The following POLR3B variants were observed in gnomAD, a reference collection of about 807,000 sequenced individuals.
POLR3B encodes RNA polymerase III subunit B.
Under a neutral mutation model 147.4 loss-of-function variants are expected in POLR3B, and 96 were observed. That is an observed-to-expected ratio of 0.65 (90% CI 0.55 to 0.77). The LOEUF is 0.77. Ranked by LOEUF, POLR3B falls within the 30% of genes least tolerant of loss-of-function variation. POLR3B has a pLI of 0.00. For synonymous variants in POLR3B, 461 were observed against 485.9 expected (o/e 0.95, Z 0.67); for missense variants, 1,036 against 1,413.5 (o/e 0.73, Z 4.28).
intron 12 of POLR3B, among the ~76,000 whole-genome samples, chr12:106,424,190 C>T (rs891643452): frequency 1.3e-5 from 2 of 152,012 alleles, no homozygotes; most frequent in African/African-American, 4.8e-5. Context: ...ATATTCCTCT[C>T]CCTCCTAAAT....
chr12:106,479,681 C>T (rs1182141999), intron 23 of POLR3B, among the ~76,000 whole-genome samples: 2 of 152,024 alleles, frequency 1.3e-5, no homozygotes, highest in Admixed American at 1.3e-4. Context: ...GCGCACCCAG[C>T]CTATTCTTTC....
chr12:106,373,327 T>C (rs1302479912), intron 6 of POLR3B, among the ~76,000 whole-genome samples: 1 of 152,254 alleles, frequency 6.6e-6, no homozygotes, highest in African/African-American at 2.4e-5. Flanking sequence ...CTTTGATGAT[T>C]GTACATTTAT....
In POLR3B at chr12:106,504,242, G is replaced by C. The variant is rs1162974500; in HGVS notation, c.3260G>C (p.Gly1087Ala). ...GTCTGTGGGCAGTGTGGACTTCTGG[G>C]GTATTCTGGCTGGTAAGTGGATACC... The part of the protein sequence containing the change: ...VDVCGQCGLL[G>A]YSGWCHYCKS... Residue 1087 changes from glycine (G) to alanine (A), a missense_variant, in exon 27 of 28, where the codon GGG becomes GCG. This residue lies in a region of POLR3B where 69 missense variants were observed against 89.8 expected (regional missense o/e 0.77). Transcript: ENST00000228347. This position sits in a 1 kb window ranked among gnomAD's most constrained non-coding sequence, Gnocchi z 4.6. 22 of 1,613,730 alleles carry C rather than the reference G, an allele frequency of 1.4e-5. 1 individual carries two copies. The East Asian group carries it at 4.9e-4, about 36-fold the overall frequency.
chr12:106,448,487 A>C (rs2037754218), intron 19 of POLR3B, among the ~76,000 whole-genome samples: 1 of 114,350 alleles, frequency 8.7e-6, no homozygotes, highest in Non-Finnish European at 1.6e-5. Context: ...CCCAGGCTGG[A>C]GTGCAGTGGC....
At chr12:106,463,198 C>T (rs2037963447) in intron 22 of POLR3B, among the ~76,000 whole-genome samples, 6 of 152,184 alleles carry the variant, frequency 3.9e-5, no homozygotes, top group Admixed American at 3.9e-4. Flanking sequence ...CTTAACCCCT[C>T]TAAGCATCAG....
chr12:106,394,096 T>C (rs1423879213), intron 10 of POLR3B, among the ~76,000 whole-genome samples: 3 of 152,190 alleles, frequency 2.0e-5, no homozygotes, highest in African/African-American at 4.8e-5. Context: ...TTCCCACTTA[T>C]ATCTGTTAGT....
At position 106,371,721 on chromosome 12, in the gene POLR3B, T is replaced by C. The variant is rs537871606; in HGVS notation, c.404+2038T>C. Among the ~76,000 whole-genome samples, 987 of 140,836 alleles carry C rather than the reference T, an allele frequency of 7.0e-3. 14 individuals carry two copies. Among genetic ancestry groups the C allele is most frequent in the African/African-American group, 0.023 (902 of 39,150 alleles). The allele number at this position is 140,836 out of a possible 152,430, so 92.4% of individuals were successfully genotyped here. A position where few individuals can be genotyped will look rare whatever the true frequency, so the allele number is the denominator to read the frequency against. ...ACCAAACACCGTATATTCTCACTCA[T>C]AGGTGGGAATTGAACAATGAGAACA... On this transcript the variant is annotated intron_variant, in intron 6 of 27. Coordinates refer to ENST00000228347, the MANE Select transcript of POLR3B (RefSeq NM_018082.6).
intron 6 of POLR3B, among the ~76,000 whole-genome samples, chr12:106,372,300 T>G (rs1376180749): frequency 6.6e-6 from 1 of 151,656 alleles, no homozygotes; most frequent in Non-Finnish European, 1.5e-5. Context: ...TTCTGGGGGT[T>G]ATTACATCCA....
intron 19 of POLR3B, among the ~76,000 whole-genome samples, chr12:106,451,759 T>G (rs2037800442): frequency 6.6e-6 from 1 of 152,204 alleles, no homozygotes; most frequent in Admixed American, 6.5e-5. Context: ...GCTGTTTACA[T>G]CCTTCCTTAC....
At chr12:106,453,590 A>G (rs980567242) in intron 19 of POLR3B, among the ~76,000 whole-genome samples, 7 of 152,090 alleles carry the variant, frequency 4.6e-5, no homozygotes, top group Non-Finnish European at 8.8e-5. Context: ...AGTAGCCCAC[A>G]CTCAAGCTCA....
chr12:106,420,163 T>C (rs1470868123), intron 12 of POLR3B, among the ~76,000 whole-genome samples: 2 of 152,118 alleles, frequency 1.3e-5, no homozygotes, highest in African/African-American at 4.8e-5. Flanking sequence ...ATCACTTATG[T>C]TTATTCTATT....
intron 9 of POLR3B, among the ~76,000 whole-genome samples, chr12:106,382,210 A>C (rs2036772674): frequency 6.6e-6 from 1 of 152,132 alleles, no homozygotes; most frequent in Non-Finnish European, 1.5e-5. Context: ...TTCAAGAGGG[A>C]GTCACTGTGG....
intron 10 of POLR3B, among the ~76,000 whole-genome samples, chr12:106,399,873 C>A (rs2037037596): frequency 6.6e-6 from 1 of 152,288 alleles, no homozygotes; most frequent in African/African-American, 2.4e-5. Flanking sequence ...CCAGCCACTA[C>A]AAAAACATGC....
rs1565909279 is a variant in POLR3B at position 106,477,891 on chromosome 12, C to CCTTTTTTTTTTTTTTTTTTTTTTT, written c.2713+14271_2713+14272insCTTTTTTTTTTTTTTTTTTTTTTT. 2.8e-5 allele frequency among the ~76,000 whole-genome samples: 2 copies of CCTTTTTTTTTTTTTTTTTTTTTTT among 70,478 alleles called. 1 individual carries two copies. The allele number at this position is 70,478 out of a possible 152,430, so 46.2% of individuals were successfully genotyped here. On this transcript the variant is annotated intron_variant, in intron 23 of 27. Coordinates refer to ENST00000228347, the MANE Select transcript of POLR3B (RefSeq NM_018082.6). ...CTATTCGGCCATCTTGGCTCCTCCCCTTTTTTTTTTTTTTTTTTTTTTTTT... is the reference window on the plus strand; with the variant it reads ...CTATTCGGCCATCTTGGCTCCTCCCCCTTTTTTTTTTTTTTTTTTTTTTTTTTTTTTTTTTTTTTTTTTTTTTTT...
In POLR3B at chr12:106,509,633, C is replaced by G; in HGVS notation, c.*84C>G. ...GAAGGGATTTAGGACTACGTCTCCT[C>G]CTGTGAAGAATTCCCTTGCGTATTC... On this transcript the variant is annotated 3_prime_UTR_variant, in exon 28 of 28. Transcript: ENST00000228347. 1.6e-6 allele frequency: 2 copies of G among 1,252,584 alleles called. No homozygotes were observed. Among genetic ancestry groups the G allele is most frequent in the East Asian group, 2.4e-5 (1 of 41,234 alleles). The allele number at this position is 1,252,584 out of a possible 1,614,324, so 77.6% of individuals were successfully genotyped here.
intron 23 of POLR3B, among the ~76,000 whole-genome samples, chr12:106,477,755 C>A (rs1050257137): frequency 3.3e-5 from 5 of 152,030 alleles, no homozygotes; most frequent in Non-Finnish European, 7.4e-5. Context: ...TGGCCTGCGC[C>A]CACTGTCTGG....
chr12:106,366,054 C>T (rs1466986518), intron 2 of POLR3B, among the ~76,000 whole-genome samples: 1 of 152,060 alleles, frequency 6.6e-6, no homozygotes, highest in African/African-American at 2.4e-5. Context: ...TGCTGAAGGA[C>T]CTGCCGGAGG....
At chr12:106,472,194 A>G (rs1195286243) in intron 23 of POLR3B, among the ~76,000 whole-genome samples, 1 of 137,916 alleles carries the variant, frequency 7.3e-6, no homozygotes, top group Non-Finnish European at 1.6e-5. Context: ...ACATGAACTC[A>G]TCATTTTTTA....
Position 106,509,422 on chromosome 12 carries a change from G to T in POLR3B, c.3275G>T (p.Cys1092Phe). 1 of 1,613,674 alleles carries T rather than the reference G, an allele frequency of 6.2e-7. No homozygotes were observed. Among genetic ancestry groups the T allele is most frequent in the South Asian group, 1.1e-5 (1 of 91,062 alleles). The change falls in exon 28 of 28, where the codon TGC (cysteine) becomes TTC (phenylalanine). Residue 1092 changes from cysteine to phenylalanine, a missense_variant and splice_region_variant. Around this residue, in one of 12 missense-constraint regions of POLR3B, gnomAD observed 69 missense variants for 89.8 expected, o/e 0.77. Coordinates refer to ENST00000228347, the MANE Select transcript of POLR3B (RefSeq NM_018082.6). ...QCGLLGYSGW[C>F]HYCKSSCHVS... ...ACGCTTGCTGACTTGCGTTTCAGGTGCCATTACTGCAAGTCATCCTGCCAC... is the reference window on the plus strand; with the variant it reads ...ACGCTTGCTGACTTGCGTTTCAGGTTCCATTACTGCAAGTCATCCTGCCAC...
Sources: gnomAD v4.1 joint callset for allele counts (sites outside exome capture counted in the v4.1 genomes callset) on GRCh38, gnomAD v4.1.1 for gene constraint, gnomAD v4.1.1 regional missense constraint, Gnocchi (gnomAD v3.1) non-coding constraint, MANE v1.5 for transcripts, NCBI Gene and HGNC (gene_info 2026-07-23, HGNC 2026-07-21) for gene names.